HAVCR1: variants seen among roughly 807,000 people sequenced by gnomAD.
HAVCR1 encodes the protein T cell immunoglobin domain and mucin domain protein 1.
Under a neutral mutation model 32.0 loss-of-function variants are expected in HAVCR1, and 34 were observed. That is an observed-to-expected ratio of 1.06 (90% CI 0.81 to 1.42). HAVCR1 has a LOEUF of 1.42. Ranked by LOEUF, HAVCR1 falls within the 40% of genes most tolerant of loss-of-function variation. The pLI is 0.00. For missense variants in HAVCR1, 420 were observed against 442.3 expected, an observed-to-expected ratio of 0.95 and a Z score of 0.45; for synonymous variants, 178 against 170.3, an observed-to-expected ratio of 1.05 and a Z score of -0.35.
upstream of HAVCR1, among the ~76,000 whole-genome samples, chr5:157,059,468 A>G (rs1756414722): frequency 6.6e-6 from 1 of 152,014 alleles, no homozygotes; most frequent in African/African-American, 2.4e-5. Flanking sequence ...TGAGGTCGGG[A>G]GTTCAAGACC....
At chr5:157,052,693 A>C (rs1459850488) in intron 3 of HAVCR1, 39 bp from the exon 4 acceptor site, 1 of 1,542,488 alleles carries the variant, frequency 6.5e-7, no homozygotes, top group East Asian at 2.2e-5. Context: ...GCATAAGTCA[A>C]ACAAGAAACA....
chr5:157,047,184 A>T (rs1489970761), intron 5 of HAVCR1, among the ~76,000 whole-genome samples: 1 of 152,134 alleles, frequency 6.6e-6, no homozygotes, highest in Non-Finnish European at 1.5e-5. Context: ...ATTGTGGGTC[A>T]TAAGACACTT....
At chr5:157,040,480 C>T (rs187765591) in intron 6 of HAVCR1, among the ~76,000 whole-genome samples, 47 of 152,362 alleles carry the variant, frequency 3.1e-4, no homozygotes, top group Admixed American at 2.0e-3. Context: ...TTAAATGTTA[C>T]GCCATGTAAT....
rs1561590439 is a variant in HAVCR1 at position 157,044,472 on chromosome 5, G to GA, written c.782-1791dup. Among the ~76,000 whole-genome samples the GA allele has an allele frequency of 1.9e-3, 60 of 32,176 alleles. 2 individuals are homozygous for GA. Among genetic ancestry groups the GA allele is most frequent in the African/African-American group, 4.8e-3 (33 of 6,866 alleles). The allele number at this position is 32,176 out of a possible 152,430, so 21.1% of individuals were successfully genotyped here. A position where few individuals can be genotyped will look rare whatever the true frequency, so the allele number is the denominator to read the frequency against. On this transcript the variant is annotated intron_variant, in intron 5 of 8. Transcript: ENST00000523175. ...GAAAGAAAGAAAGAAAGAAAGAAAG[G>GA]AAGGAAGGAAGGAAGGAAGGAAGGA... is the stretch of plus-strand genomic sequence containing the variant.
At chr5:157,053,685 CATG>C (rs1384684600) in intron 3 of HAVCR1, among the ~76,000 whole-genome samples, 1 of 152,018 alleles carries the variant, frequency 6.6e-6, no homozygotes, top group Non-Finnish European at 1.5e-5. Flanking sequence ...GCTTGGCCAA[CATG>C]ATGAAACCCC....
chr5:157,042,681 A>G lies in HAVCR1; in HGVS notation c.783T>C (p.Asp261=), dbSNP rs1325176403. The change falls in exon 6 of 9, where the codon GAT becomes GAC. Residue 261 remains aspartate, a splice_region_variant and synonymous_variant. Coordinates refer to ENST00000523175, the MANE Select transcript of HAVCR1 (RefSeq NM_001173393.3). The part of the protein sequence containing the change: ...TSSPLYSYTT[D]GNDTVTESSD... Reference sequence around the variant, plus strand: ...AAGACTCTGTCACGGTGTCATTCCCATCTACTCAACAAGAAGGAAATTTAA... The same window carrying G: ...AAGACTCTGTCACGGTGTCATTCCCGTCTACTCAACAAGAAGGAAATTTAA... 2.6e-6 allele frequency: 4 copies of G among 1,565,266 alleles called. No individual in the cohort carries two copies. The highest frequency in any genetic ancestry group is 1.1e-5 in the South Asian group (1 of 89,290).
chr5:157,037,950 T>C (rs371562593), intron 6 of HAVCR1, among the ~76,000 whole-genome samples: 106 of 151,844 alleles, frequency 7.0e-4, no homozygotes, highest in African/African-American at 2.3e-3. Context: ...GAGGTTGCAG[T>C]GAGCCAAGAT....
At chr5:157,041,832 G>A (rs1410143471) in intron 6 of HAVCR1, among the ~76,000 whole-genome samples, 4 of 152,176 alleles carry the variant, frequency 2.6e-5, no homozygotes, top group African/African-American at 9.7e-5. Flanking sequence ...GCCGAGGCGG[G>A]TAGATTGCCT....
upstream of HAVCR1, among the ~76,000 whole-genome samples, chr5:157,062,053 A>T (rs1374997000): frequency 6.6e-6 from 1 of 152,192 alleles, no homozygotes; most frequent in Non-Finnish European, 1.5e-5. Context: ...TCCAGGGATC[A>T]CTACTCTTTA....
intron 2 of HAVCR1, among the ~76,000 whole-genome samples, chr5:157,057,431 GAAAGAAAGAAAGAA>G (rs1756260290): frequency 1.4e-5 from 2 of 146,434 alleles, no homozygotes; most frequent in Non-Finnish European, 3.0e-5. Flanking sequence ...AAGAAAGAAA[GAAAGAAAGAAAGAA>G]AGAAAGAAAG....
At chr5:157,037,499 T>C (rs1379080554) in intron 6 of HAVCR1, 138 bp from the exon 7 acceptor site, 7 of 589,850 alleles carry the variant, frequency 1.2e-5, no homozygotes, top group East Asian at 8.4e-5. Context: ...TAAGACCAAA[T>C]GATCTCAGTT....
upstream of HAVCR1, among the ~76,000 whole-genome samples, chr5:157,063,097 G>C (rs1756522469): frequency 6.7e-6 from 1 of 149,894 alleles, no homozygotes; most frequent in African/African-American, 2.5e-5. Context: ...ACTCCAGCCT[G>C]GGTGACAGAG....
At chr5:157,063,890 GC>G (rs1265222907), upstream of HAVCR1, among the ~76,000 whole-genome samples, 4 of 152,228 alleles carry the variant, frequency 2.6e-5, no homozygotes, top group Non-Finnish European at 5.9e-5. Flanking sequence ...GACAAGAAGG[GC>G]AAAGGCCCTA....
chr5:157,050,870 C>T (rs370763561), intron 4 of HAVCR1, among the ~76,000 whole-genome samples: 117 of 152,290 alleles, frequency 7.7e-4, no homozygotes, highest in African/African-American at 2.6e-3. Context: ...TAGCCCAACC[C>T]TTCAGATCTC....
At chr5:157,055,720 A>C (rs950447055) in intron 2 of HAVCR1, among the ~76,000 whole-genome samples, 187 bp from the exon 3 acceptor site, 4 of 151,808 alleles carry the variant, frequency 2.6e-5, no homozygotes, top group African/African-American at 9.7e-5. Flanking sequence ...AAAATTACAA[A>C]AATTAGCGGG....
intron 6 of HAVCR1, among the ~76,000 whole-genome samples, chr5:157,039,045 G>T (rs115724256): frequency 6.6e-6 from 1 of 152,158 alleles, no homozygotes; most frequent in East Asian, 1.9e-4. Flanking sequence ...ACTTGAGCCT[G>T]GGAGGATGAG....
chr5:157,038,710 T>A (rs1183945871), intron 6 of HAVCR1, among the ~76,000 whole-genome samples: 1 of 152,090 alleles, frequency 6.6e-6, no homozygotes, highest in African/African-American at 2.4e-5. Context: ...GAGGGAAGTG[T>A]AATGTGGGTA....
At chr5:157,066,555 G>GTT in the HAVCR1 span, among the ~76,000 whole-genome samples, 20,088 of 143,716 alleles carry the variant, frequency 0.14, 1,634 homozygotes, top group Admixed American at 0.22. Context: ...AATCCTGGGT[G>GTT]TTTTTTTTTT....
At chr5:157,052,292 T>C in intron 4 of HAVCR1, 69 bp downstream of exon 4, 1 of 1,373,486 alleles carries the variant, frequency 7.3e-7, no homozygotes, top group Non-Finnish European at 1.0e-6. Context: ...TCTACCTTGA[T>C]ACAATGCCCT....
Sources: gnomAD v4.1 joint callset for allele counts (sites outside exome capture counted in the v4.1 genomes callset) on GRCh38, gnomAD v4.1.1 for gene constraint, MANE v1.5 for transcripts, NCBI Gene and HGNC (gene_info 2026-07-23, HGNC 2026-07-21) for gene names.